LRRTM4: variants seen among roughly 807,000 people sequenced by gnomAD.
LRRTM4 encodes the protein leucine-rich repeat transmembrane neuronal protein 4.
LRRTM4 carries 25 observed loss-of-function variants against 47.6 expected under a neutral mutation model. That is an observed-to-expected ratio of 0.53 (90% CI 0.38 to 0.73). The LOEUF is 0.73. LRRTM4 is among the 30% of genes least tolerant of loss of function. The pLI, the probability that LRRTM4 is intolerant of heterozygous loss-of-function variation, is 0.00. For missense variants in LRRTM4, 638 were observed against 713.4 expected, an observed-to-expected ratio of 0.89 and a Z score of 1.20; for synonymous variants, 311 against 269.5, an observed-to-expected ratio of 1.15 and a Z score of -1.51.
chr2:76,763,713 T>C (rs1301046132), intron 3 of LRRTM4, among the ~76,000 whole-genome samples: 2 of 152,022 alleles, frequency 1.3e-5, no homozygotes, highest in Non-Finnish European at 2.9e-5. Context: ...CCAGAAGAGT[T>C]TAGAGGTACA....
At chr2:76,828,227 G>C (rs1259806676) in intron 3 of LRRTM4, among the ~76,000 whole-genome samples, 1 of 151,850 alleles carries the variant, frequency 6.6e-6, no homozygotes, top group Non-Finnish European at 1.5e-5. Context: ...GGCACTACTG[G>C]GTTCTCTAAA....
At chr2:76,974,495 C>G (rs1335118775) in intron 3 of LRRTM4, among the ~76,000 whole-genome samples, 1 of 149,656 alleles carries the variant, frequency 6.7e-6, no homozygotes, top group Non-Finnish European at 1.5e-5. Flanking sequence ...TCTATACAAA[C>G]TTGTAATAAA....
At chr2:77,023,878 T>C (rs1319290617) in intron 3 of LRRTM4, among the ~76,000 whole-genome samples, 3 of 152,102 alleles carry the variant, frequency 2.0e-5, no homozygotes, top group African/African-American at 7.2e-5. Flanking sequence ...TTTTCAGCAA[T>C]GCCCCACTCT....
intron 3 of LRRTM4, among the ~76,000 whole-genome samples, chr2:76,880,804 G>T (rs1672907444): frequency 6.6e-6 from 1 of 152,096 alleles, no homozygotes; most frequent in Admixed American, 6.5e-5. Flanking sequence ...AACAATATCA[G>T]CAATGGCTTA....
intron 3 of LRRTM4, among the ~76,000 whole-genome samples, chr2:77,004,625 G>A (rs955599166): frequency 2.0e-4 from 31 of 152,146 alleles, no homozygotes; most frequent in African/African-American, 6.0e-4. Context: ...AGTCCCCAAT[G>A]GGGCACTGTC....
chr2:77,124,451 A>G (rs372705253), intron 3 of LRRTM4, among the ~76,000 whole-genome samples: 1 of 152,098 alleles, frequency 6.6e-6, no homozygotes, highest in East Asian at 1.9e-4. Context: ...ATTGGTTGTA[A>G]ATTTTGGCAC....
intron 3 of LRRTM4, among the ~76,000 whole-genome samples, chr2:77,492,690 T>C (rs1249728895): frequency 6.6e-6 from 1 of 152,162 alleles, no homozygotes; most frequent in Non-Finnish European, 1.5e-5. Context: ...GATCAAGATG[T>C]AAAGATCCAT....
intron 3 of LRRTM4, among the ~76,000 whole-genome samples, chr2:77,409,223 T>TG (rs71277394): frequency 0.44 from 66,881 of 151,964 alleles, 14,947 homozygotes; most frequent in East Asian, 0.6. Flanking sequence ...AAGTCTTTTT[T>TG]TTTGTCTTTG....
intron 3 of LRRTM4, among the ~76,000 whole-genome samples, chr2:76,938,547 A>G (rs1053348113): frequency 1.3e-5 from 2 of 152,110 alleles, no homozygotes; most frequent in Admixed American, 6.6e-5. Context: ...TTATGTTTGC[A>G]TATATGAATT....
intron 3 of LRRTM4, among the ~76,000 whole-genome samples, chr2:77,266,534 A>G (rs930954224): frequency 6.6e-6 from 1 of 152,182 alleles, no homozygotes; most frequent in African/African-American, 2.4e-5. Flanking sequence ...GGAAAAAAGA[A>G]GATAAAAAAG....
intron 3 of LRRTM4, among the ~76,000 whole-genome samples, chr2:77,410,302 T>G (rs6755959): frequency 4.5e-4 from 68 of 152,148 alleles, no homozygotes; most frequent in Non-Finnish European, 1.3e-4. Flanking sequence ...ACCAACCACA[T>G]GAGTAGGGAG....
At chr2:76,773,012 T>C (rs1356259154) in intron 3 of LRRTM4, 1 of 152,220 alleles carries the variant, frequency 6.6e-6, no homozygotes, top group Non-Finnish European at 1.5e-5. Flanking sequence ...GTACTATCTA[T>C]GGTTTCATTC....
intron 3 of LRRTM4, among the ~76,000 whole-genome samples, chr2:77,045,652 CT>C (rs1160076037): frequency 1.3e-5 from 2 of 151,950 alleles, no homozygotes; most frequent in African/African-American, 4.8e-5. Context: ...CACAAGCTCT[CT>C]CTTTGCTTGC....
At chr2:76,947,245 C>T (rs185592649) in intron 3 of LRRTM4, among the ~76,000 whole-genome samples, 9 of 151,836 alleles carry the variant, frequency 5.9e-5, no homozygotes, top group African/African-American at 1.9e-4. Context: ...TGAGACTACA[C>T]TGATATGTCC....
chr2:77,106,412 G>A (rs889374404), intron 3 of LRRTM4, among the ~76,000 whole-genome samples: 3 of 152,002 alleles, frequency 2.0e-5, no homozygotes, highest in African/African-American at 7.3e-5. Context: ...ATATTCATTT[G>A]TATCACATGT....
At chr2:77,205,394 A>G (rs977658690) in intron 3 of LRRTM4, among the ~76,000 whole-genome samples, 6 of 152,192 alleles carry the variant, frequency 3.9e-5, no homozygotes, top group Admixed American at 2.6e-4. Context: ...GTTTTCTTCA[A>G]TTAGATTTCA....
intron 3 of LRRTM4, among the ~76,000 whole-genome samples, chr2:77,482,688 T>C (rs1295617806): frequency 6.6e-6 from 1 of 152,198 alleles, no homozygotes; most frequent in African/African-American, 2.4e-5. Flanking sequence ...GTGGTAATTA[T>C]CATCAAAAGC....
intron 3 of LRRTM4, among the ~76,000 whole-genome samples, chr2:77,514,859 T>C (rs1679149592): frequency 6.6e-6 from 1 of 152,010 alleles, no homozygotes; most frequent in Non-Finnish European, 1.5e-5. Flanking sequence ...CTTTGTTCTT[T>C]ACAATTTCGA....
chr2:77,060,882 T>C lies in LRRTM4; in HGVS notation c.1552-311966A>G, dbSNP rs147647412. On this transcript the variant is annotated intron_variant, in intron 3 of 3. Transcript: ENST00000409884. The stretch of plus-strand genomic sequence containing the variant: ...ACAATTCCTGTCACATAAATGTTTA[T>C]GACTCAACCACAATTTATATAAATT... 9.7e-3 allele frequency among the ~76,000 whole-genome samples: 1,474 copies of C among 152,298 alleles called. 30 individuals are homozygous for C. Among genetic ancestry groups the C allele is most frequent in the African/African-American group, 0.033 (1,356 of 41,584 alleles).
Sources: gnomAD v4.1 joint callset for allele counts (sites outside exome capture counted in the v4.1 genomes callset) on GRCh38, gnomAD v4.1.1 for gene constraint, MANE v1.5 for transcripts, NCBI Gene and HGNC (gene_info 2026-07-23, HGNC 2026-07-21) for gene names.